HEMK2: variants seen among roughly 807,000 people sequenced by gnomAD.
HEMK2 encodes the protein HemK methyltransferase 2, ETF1 glutamine and histone H4 lysine.
the HEMK2 span, chr21:28,879,933 T>A: frequency 6.2e-7 from 1 of 1,603,144 alleles, no homozygotes; most frequent in Non-Finnish European, 8.5e-7. Context: ...TTTCGGTCAA[T>A]CTTGGTAGCA....
At chr21:28,683,841 GCA>G in the HEMK2 span, among the ~76,000 whole-genome samples, 1 of 152,172 alleles carries the variant, frequency 6.6e-6, no homozygotes, top group Non-Finnish European at 1.5e-5. Flanking sequence ...GTGAGCAATT[GCA>G]CACAGACAGC....
chr21:28,732,112 G>A, the HEMK2 span, among the ~76,000 whole-genome samples: 34 of 152,368 alleles, frequency 2.2e-4, no homozygotes, highest in African/African-American at 7.9e-4. Flanking sequence ...ATCACAGATG[G>A]TGACACTTGG....
chr21:28,583,422 A>G, the HEMK2 span, among the ~76,000 whole-genome samples: 23 of 152,200 alleles, frequency 1.5e-4, no homozygotes, highest in Non-Finnish European at 3.1e-4. Flanking sequence ...TATCCAAAGC[A>G]TGCAGACCCT....
At chr21:28,670,018 G>A in the HEMK2 span, among the ~76,000 whole-genome samples, 1 of 151,990 alleles carries the variant, frequency 6.6e-6, no homozygotes, top group East Asian at 1.9e-4. Context: ...TATACCTGAA[G>A]AACGAAGCAT....
chr21:28,673,560 G>A, the HEMK2 span, among the ~76,000 whole-genome samples: 2 of 108,304 alleles, frequency 1.8e-5, no homozygotes, highest in African/African-American at 8.5e-5. Context: ...AAAATGAATA[G>A]TTTCTCTTGC....
At chr21:28,811,005 A>G in the HEMK2 span, among the ~76,000 whole-genome samples, 53 of 152,312 alleles carry the variant, frequency 3.5e-4, no homozygotes, top group East Asian at 9.4e-3. Context: ...AGTCCCTAAC[A>G]TGAAAAGGCT....
chr21:28,718,064 C>T, the HEMK2 span, among the ~76,000 whole-genome samples: 1 of 152,142 alleles, frequency 6.6e-6, no homozygotes, highest in East Asian at 1.9e-4. Context: ...GCATTTAGTA[C>T]TATAAATTTT....
At chr21:28,697,412 TCC>T in the HEMK2 span, among the ~76,000 whole-genome samples, 6 of 152,142 alleles carry the variant, frequency 3.9e-5, no homozygotes, top group East Asian at 1.2e-3. Flanking sequence ...TCTGAGATCA[TCC>T]CAGCCTGGAC....
chr21:28,776,126 C>T, the HEMK2 span, among the ~76,000 whole-genome samples: 3,583 of 152,278 alleles, frequency 0.024, 61 homozygotes, highest in Non-Finnish European at 0.032. Context: ...GTCTAGCAGA[C>T]AGGCAGCGTC....
chr21:28,609,489 GT>G, the HEMK2 span, among the ~76,000 whole-genome samples: 3 of 148,414 alleles, frequency 2.0e-5, no homozygotes, highest in Non-Finnish European at 3.0e-5. Context: ...ACAAAACAAG[GT>G]TATTTAACAT....
At chr21:28,820,979 T>G in the HEMK2 span, among the ~76,000 whole-genome samples, 4 of 152,254 alleles carry the variant, frequency 2.6e-5, no homozygotes, top group Admixed American at 2.6e-4. Context: ...CTCCCCTACC[T>G]ATCAGTGTAT....
chr21:28,637,330 T>G, the HEMK2 span, among the ~76,000 whole-genome samples: 1 of 152,188 alleles, frequency 6.6e-6, no homozygotes, highest in Non-Finnish European at 1.5e-5. Context: ...ATTGATGTGT[T>G]CATAGGTTAT....
chr21:28,809,131 G>A, the HEMK2 span, among the ~76,000 whole-genome samples: 1 of 152,096 alleles, frequency 6.6e-6, no homozygotes, highest in African/African-American at 2.4e-5. Context: ...AGGGATTGCT[G>A]ATTAGTAGTA....
chr21:28,814,138 G>A, the HEMK2 span, among the ~76,000 whole-genome samples: 2 of 152,248 alleles, frequency 1.3e-5, no homozygotes, highest in East Asian at 3.9e-4. Context: ...TTGAGAGGCT[G>A]AGGCAGGAGA....
the HEMK2 span, among the ~76,000 whole-genome samples, chr21:28,855,103 C>G: frequency 2.6e-5 from 4 of 152,238 alleles, no homozygotes; most frequent in South Asian, 8.3e-4. Context: ...CAACTGTATG[C>G]TGTCTTCCAG....
the HEMK2 span, among the ~76,000 whole-genome samples, chr21:28,638,524 G>C: frequency 1.3e-5 from 2 of 151,988 alleles, no homozygotes; most frequent in Non-Finnish European, 2.9e-5. Context: ...GCAAAGGAGA[G>C]GACATGTCTG....
At chr21:28,776,088 CT>C in the HEMK2 span, among the ~76,000 whole-genome samples, 1,494 of 152,264 alleles carry the variant, frequency 9.8e-3, 19 homozygotes, top group Admixed American at 0.015. Flanking sequence ...GAATGGGTCC[CT>C]TTTTAATTCA....
the HEMK2 span, among the ~76,000 whole-genome samples, chr21:28,849,435 G>C: frequency 6.6e-6 from 1 of 152,150 alleles, no homozygotes; most frequent in Non-Finnish European, 1.5e-5. Context: ...GAAAGAACCA[G>C]AGCAAGAACT....
At chr21:28,834,243 C>A in the HEMK2 span, among the ~76,000 whole-genome samples, 2 of 152,176 alleles carry the variant, frequency 1.3e-5, no homozygotes, top group African/African-American at 4.8e-5. Flanking sequence ...ACTGCAAGAA[C>A]AAACCAGCAA....
Sources: gnomAD v4.1 joint callset for allele counts (sites outside exome capture counted in the v4.1 genomes callset) on GRCh38, gnomAD v4.1.1 for gene constraint, MANE v1.5 for transcripts, NCBI Gene and HGNC (gene_info 2026-07-23, HGNC 2026-07-21) for gene names.